KCNT2: variants seen among roughly 807,000 people sequenced by gnomAD.
KCNT2 encodes the protein potassium sodium-activated channel subfamily T member 2, also known as potassium channel subfamily T member 2.
In KCNT2, 67 loss-of-function variants were observed where a neutral mutation model predicts 153.8. The observed-to-expected ratio is 0.44, with a 90% CI of 0.36 to 0.53. The LOEUF is 0.53. Ranked by LOEUF, KCNT2 falls within the 20% of genes least tolerant of loss-of-function variation. The probability of loss-of-function intolerance (pLI) is 0.00; values close to 1 mark genes in which losing one functional copy is unlikely to be tolerated. For missense variants in KCNT2, 975 were observed against 1,354.8 expected (o/e 0.72, Z 4.40); for synonymous variants, 500 against 458.8 (o/e 1.09, Z -1.15).
chr1:196,411,693 T>C (rs527436379), intron 12 of KCNT2, among the ~76,000 whole-genome samples: 3 of 151,892 alleles, frequency 2.0e-5, no homozygotes, highest in Non-Finnish European at 4.4e-5. Context: ...TGTTAGTGCA[T>C]AGGAATGCAA....
At chr1:196,489,098 G>T (rs1221244649) in intron 3 of KCNT2, among the ~76,000 whole-genome samples, 1 of 151,904 alleles carries the variant, frequency 6.6e-6, no homozygotes, top group Non-Finnish European at 1.5e-5. Flanking sequence ...CCCAGAAGAG[G>T]GAGAAGAATG....
intron 25 of KCNT2, among the ~76,000 whole-genome samples, chr1:196,276,846 T>C (rs993551333): frequency 1.3e-5 from 2 of 152,098 alleles, no homozygotes; most frequent in African/African-American, 2.4e-5. Flanking sequence ...ACCCCAATAG[T>C]ACCTTGTATG....
intron 1 of KCNT2, among the ~76,000 whole-genome samples, chr1:196,565,976 C>T (rs1004185658): frequency 1.4e-4 from 22 of 151,872 alleles, no homozygotes; most frequent in African/African-American, 5.1e-4. Context: ...TAAGCTTTCT[C>T]ACTATAAAAA....
At chr1:196,352,232 G>A (rs1666774868) in intron 14 of KCNT2, among the ~76,000 whole-genome samples, 1 of 151,942 alleles carries the variant, frequency 6.6e-6, no homozygotes, top group Non-Finnish European at 1.5e-5. Context: ...AATGAGTTAG[G>A]GAGGATTCCC....
At chr1:196,449,686 C>G (rs1208390271) in intron 8 of KCNT2, among the ~76,000 whole-genome samples, 1 of 151,228 alleles carries the variant, frequency 6.6e-6, no homozygotes, top group Non-Finnish European at 1.5e-5. Flanking sequence ...AGACAATGTA[C>G]TAATAGGAAA....
rs149017166 is a variant in KCNT2 at position 196,423,104 on chromosome 1, G to T, written c.1131C>A (p.Asp377Glu). 2.5e-6 allele frequency: 4 copies of T among 1,598,666 alleles called. No individual in the cohort carries two copies. The highest frequency in any genetic ancestry group is 3.4e-6 in the Non-Finnish European group (4 of 1,169,630). The change falls in exon 12 of 28, where the codon GAC (aspartate) becomes GAA (glutamate). Residue 377 changes from aspartate (D) to glutamate (E), a missense_variant. Coordinates refer to ENST00000294725, the MANE Select transcript of KCNT2 (RefSeq NM_198503.5). Reference protein sequence around the residue: ...DQDLLRAKMDDAEACFILSSR... With the variant: ...DQDLLRAKMDEAEACFILSSR... Reference sequence around the variant, plus strand: ...TACTGAGAATAAAACAGGCCTCAGCGTCATCCATCCTAAATACAGATGGAA... The same window carrying T: ...TACTGAGAATAAAACAGGCCTCAGCTTCATCCATCCTAAATACAGATGGAA...
Position 196,258,232 on chromosome 1 carries a change from T to C in KCNT2, c.3173A>G (p.Asn1058Ser). 1 of 1,614,024 alleles carries C rather than the reference T, an allele frequency of 6.2e-7. No homozygotes were observed. The highest frequency in any genetic ancestry group is 2.2e-5 in the East Asian group (1 of 44,878). ...ERQELAELVK[N>S]RMKHLGLSTV... is the part of the protein sequence containing the mutation. ...AGAAAGACCCAAGTGTTTCATTCTATTTTTCACAAGTTCAGCAAGCTCTTG... is the reference window on the plus strand; with the variant it reads ...AGAAAGACCCAAGTGTTTCATTCTACTTTTCACAAGTTCAGCAAGCTCTTG... Residue 1058 changes from asparagine (N) to serine (S), a missense_variant, in exon 26 of 28, where the codon AAT becomes AGT. By Grantham distance (46) the Asn-to-Ser change is conservative (BLOSUM62 1). Coordinates refer to ENST00000294725, the MANE Select transcript of KCNT2 (RefSeq NM_198503.5).
chr1:196,262,317 C>T (rs748778297), intron 25 of KCNT2, among the ~76,000 whole-genome samples: 28 of 151,854 alleles, frequency 1.8e-4, no homozygotes, highest in Admixed American at 8.5e-4. Context: ...AATCAATTCA[C>T]TTAGTAGTTT....
At chr1:196,244,500 C>T (rs1170236692) in intron 26 of KCNT2, among the ~76,000 whole-genome samples, 1 of 152,092 alleles carries the variant, frequency 6.6e-6, no homozygotes, top group African/African-American at 2.4e-5. Flanking sequence ...TGCCTGGCAA[C>T]ATTCACCAAA....
intron 25 of KCNT2, among the ~76,000 whole-genome samples, chr1:196,260,967 A>G (rs139605575): frequency 3.3e-5 from 5 of 151,912 alleles, no homozygotes; most frequent in Non-Finnish European, 5.9e-5. Flanking sequence ...ATGATCCACA[A>G]TATCAATAAC....
At chr1:196,332,410 G>C (rs1189863860) in intron 17 of KCNT2, among the ~76,000 whole-genome samples, 1 of 152,014 alleles carries the variant, frequency 6.6e-6, no homozygotes, top group Non-Finnish European at 1.5e-5. Context: ...TACATTTGAG[G>C]ACTTTGACCA....
chr1:196,575,900 C>T (rs1661303572), intron 1 of KCNT2, among the ~76,000 whole-genome samples: 1 of 150,492 alleles, frequency 6.6e-6, no homozygotes, highest in South Asian at 2.1e-4. Context: ...ATTGCTTTAA[C>T]CTGGGAGGCA....
At chr1:196,342,420 C>CTATATATATATATA (rs71154738) in intron 14 of KCNT2, among the ~76,000 whole-genome samples, 192 bp from the exon 15 acceptor site, 3 of 132,756 alleles carry the variant, frequency 2.3e-5, no homozygotes, top group African/African-American at 9.0e-5. Flanking sequence ...ATTTTGAATA[C>CTATATATATATATA]TATATATATA....
intron 1 of KCNT2, among the ~76,000 whole-genome samples, chr1:196,541,997 A>G (rs1176624681): frequency 6.6e-6 from 1 of 152,062 alleles, no homozygotes. Flanking sequence ...TAAATATACA[A>G]CATAATTTAC....
intron 12 of KCNT2, among the ~76,000 whole-genome samples, chr1:196,419,803 T>G (rs1161174610): frequency 6.6e-6 from 1 of 152,038 alleles, no homozygotes; most frequent in Non-Finnish European, 1.5e-5. Flanking sequence ...TCTCCTATTG[T>G]TCCTCTTCCT....
chr1:196,426,400 G>A (rs1673658119), intron 10 of KCNT2, among the ~76,000 whole-genome samples: 1 of 151,840 alleles, frequency 6.6e-6, no homozygotes. Flanking sequence ...TTGTGATAGC[G>A]ATTTATATCA....
chr1:196,244,527 T>C (rs910689306), intron 26 of KCNT2, among the ~76,000 whole-genome samples: 5 of 152,076 alleles, frequency 3.3e-5, no homozygotes, highest in Non-Finnish European at 5.9e-5. Context: ...CTGAAGAGCA[T>C]GTGGGCCTTG....
chr1:196,446,550 T>C (rs1675702557), intron 8 of KCNT2, among the ~76,000 whole-genome samples: 1 of 151,478 alleles, frequency 6.6e-6, no homozygotes, highest in African/African-American at 2.4e-5. Flanking sequence ...GAGGTAGCCC[T>C]AGAAATACAA....
chr1:196,547,706 AATT>A (rs1417740527), intron 1 of KCNT2, among the ~76,000 whole-genome samples: 9 of 151,950 alleles, frequency 5.9e-5, no homozygotes, highest in Non-Finnish European at 7.4e-5. Flanking sequence ...AAATGTCTAA[AATT>A]ATCACATCAA....
Sources: gnomAD v4.1 joint callset for allele counts (sites outside exome capture counted in the v4.1 genomes callset) on GRCh38, gnomAD v4.1.1 for gene constraint, MANE v1.5 for transcripts, NCBI Gene and HGNC (gene_info 2026-07-23, HGNC 2026-07-21) for gene names.